The following KLHL4 variants were observed in gnomAD, a reference collection of about 807,000 sequenced individuals.
KLHL4 encodes the protein kelch-like protein 4.
In KLHL4, 17 loss-of-function variants were observed where a neutral mutation model predicts 45.8. That is an observed-to-expected ratio of 0.37 (90% confidence interval 0.25 to 0.56). The LOEUF (loss-of-function observed/expected upper bound fraction) is 0.56. Among genes scored for constraint, KLHL4 ranks in the 20% least tolerant of loss-of-function variants. The pLI, the probability that KLHL4 is intolerant of heterozygous loss-of-function variation, is 0.79. For missense variants in KLHL4, 544 were observed against 544.9 expected (o/e 1.00, Z 0.02); for synonymous variants, 224 against 189.9 (o/e 1.18, Z -1.47).
chrX:87,532,542 G>A (rs1469579737), intron 1 of KLHL4, among the ~76,000 whole-genome samples: 1 of 104,086 alleles, frequency 9.6e-6, no homozygotes, highest in East Asian at 3.2e-4. Context: ...CCATTTTCAC[G>A]ATATTGATTC....
intron 1 of KLHL4, among the ~76,000 whole-genome samples, chrX:87,568,905 T>C (rs771779358): frequency 8.9e-6 from 1 of 111,949 alleles, no homozygotes; most frequent in South Asian, 3.7e-4. Flanking sequence ...ACATTTTCAT[T>C]ACTTTGGATT....
intron 1 of KLHL4, among the ~76,000 whole-genome samples, chrX:87,573,805 T>C (rs2147791263): frequency 1.8e-5 from 2 of 111,712 alleles, no homozygotes; most frequent in East Asian, 5.6e-4. Context: ...CAAATATTTT[T>C]GGAGTAAAAA....
At chrX:87,526,424 G>A (rs1931111344) in intron 1 of KLHL4, among the ~76,000 whole-genome samples, 2 of 111,955 alleles carry the variant, frequency 1.8e-5, no homozygotes, top group Non-Finnish European at 3.8e-5. Context: ...TGGCATAGTT[G>A]GAGAGATAAA....
intron 1 of KLHL4, among the ~76,000 whole-genome samples, chrX:87,527,349 C>G (rs1291513896): frequency 9.0e-6 from 1 of 111,702 alleles, no homozygotes; most frequent in Non-Finnish European, 1.9e-5. Context: ...AGGCCAATAA[C>G]CACTTATACT....
At chrX:87,523,812 A>C (rs991017102) in intron 1 of KLHL4, among the ~76,000 whole-genome samples, 2 of 109,775 alleles carry the variant, frequency 1.8e-5, no homozygotes, top group African/African-American at 6.6e-5. Context: ...AAAATACAAA[A>C]ATTAGCCAGA....
intron 9 of KLHL4, among the ~76,000 whole-genome samples, chrX:87,638,171 A>G: frequency 9.0e-6 from 1 of 111,333 alleles, no homozygotes; most frequent in East Asian, 2.8e-4. Context: ...AAAAAAATGA[A>G]CAAAGCCTTC....
At chrX:87,530,597 A>T (rs1931241583) in intron 1 of KLHL4, among the ~76,000 whole-genome samples, 1 of 106,421 alleles carries the variant, frequency 9.4e-6, no homozygotes, top group Admixed American at 1.0e-4. Flanking sequence ...AAAGGACATG[A>T]ACTCATCATT....
chrX:87,648,658 AT>A (rs201558023), intron 9 of KLHL4, among the ~76,000 whole-genome samples: 2,397 of 101,863 alleles, frequency 0.024, 67 homozygotes, highest in African/African-American at 0.1. Flanking sequence ...GATGAATATT[AT>A]TTTTTTTCTG....
intron 9 of KLHL4, among the ~76,000 whole-genome samples, chrX:87,663,850 A>G (rs1223462691): frequency 8.9e-6 from 1 of 112,303 alleles, no homozygotes; most frequent in Non-Finnish European, 1.9e-5. Flanking sequence ...AAATCAGATG[A>G]TTTAGAATAT....
At chrX:87,564,250 GTAT>G (rs56940172) in intron 1 of KLHL4, among the ~76,000 whole-genome samples, 27,351 of 109,878 alleles carry the variant, frequency 0.25, 2,924 homozygotes, top group East Asian at 0.51. Flanking sequence ...TAAGATATAT[GTAT>G]TATGATAATA....
chrX:87,652,094 C>T (rs138604766), intron 9 of KLHL4, among the ~76,000 whole-genome samples: 3,798 of 112,579 alleles, frequency 0.034, 152 homozygotes, highest in African/African-American at 0.12. Flanking sequence ...CTTGCACCCT[C>T]CAAAGCCACA....
intron 3 of KLHL4, among the ~76,000 whole-genome samples, chrX:87,615,627 A>G (rs1328277733): frequency 2.7e-5 from 3 of 111,487 alleles, no homozygotes; most frequent in African/African-American, 9.7e-5. Flanking sequence ...TATGAACACA[A>G]TGTAATATTA....
chrX:87,665,962 A>G (rs1380207247), intron 10 of KLHL4, among the ~76,000 whole-genome samples: 1 of 111,746 alleles, frequency 8.9e-6, no homozygotes, highest in Admixed American at 9.6e-5. Context: ...AATATCATGC[A>G]AGGTGTTAGG....
At chrX:87,563,606 CA>C (rs760968363) in intron 1 of KLHL4, among the ~76,000 whole-genome samples, 119 of 60,185 alleles carry the variant, frequency 2.0e-3, no homozygotes, top group African/African-American at 1.9e-3. Context: ...CCAAAGGAGA[CA>C]AAAAAAAAAA....
At chrX:87,604,353 T>C (rs1322938172) in intron 1 of KLHL4, among the ~76,000 whole-genome samples, 3 of 111,530 alleles carry the variant, frequency 2.7e-5, no homozygotes, top group African/African-American at 6.5e-5. Context: ...CTGTTTTCCA[T>C]AGTAGCTGTA....
chrX:87,528,358 T>C (rs1407537435), intron 1 of KLHL4, among the ~76,000 whole-genome samples: 2 of 110,193 alleles, frequency 1.8e-5, no homozygotes, highest in Non-Finnish European at 3.8e-5. Context: ...AAAATAATAA[T>C]AAAGGAGAAT....
chrX:87,556,678 AAAAACAAAAC>A (rs58655413), intron 1 of KLHL4, among the ~76,000 whole-genome samples: 1,656 of 102,750 alleles, frequency 0.016, 19 homozygotes, highest in South Asian at 0.056. Flanking sequence ...GTATAATAAT[AAAAACAAAAC>A]AAAACAAAAC....
intron 9 of KLHL4, among the ~76,000 whole-genome samples, chrX:87,653,450 A>G (rs1339288894): frequency 8.9e-6 from 1 of 111,882 alleles, no homozygotes; most frequent in Non-Finnish European, 1.9e-5. Context: ...GCCCATCATA[A>G]TGGCAATTAT....
chrX:87,618,103 T>C lies in KLHL4; in HGVS notation c.899T>C (p.Leu300Pro). ...GATGCCCAAGGCTGTACAGAACTTC[T>C]GAACGTGGCACACAAATACACTATG... ...FGDAQGCTEL[L>P]NVAHKYTMEH... The change falls in exon 4 of 11, where the codon CTG (leucine) becomes CCG (proline). Residue 300 changes from leucine (L) to proline (P), a missense_variant. By Grantham distance (98) the Leu-to-Pro change is moderately conservative. Transcript: ENST00000373119. 2 of 1,203,994 alleles carry C rather than the reference T, an allele frequency of 1.7e-6. No individual in the cohort carries two copies. Among genetic ancestry groups the C allele is most frequent in the South Asian group, 1.8e-5 (1 of 55,087 alleles).
Sources: gnomAD v4.1 joint callset for allele counts (sites outside exome capture counted in the v4.1 genomes callset) on GRCh38, gnomAD v4.1.1 for gene constraint, MANE v1.5 for transcripts, NCBI Gene and HGNC (gene_info 2026-07-23, HGNC 2026-07-21) for gene names.